CEP135: variants seen among roughly 807,000 people sequenced by gnomAD.
The protein encoded by CEP135 is centrosomal protein 135.
CEP135 carries 142 observed loss-of-function variants against 157.3 expected under a neutral mutation model. The ratio of observed to expected loss-of-function variants is 0.90; its 90% CI spans 0.79 to 1.04. The LOEUF is 1.04. Among genes scored for constraint, CEP135 ranks in the 50% least tolerant of loss-of-function variants. The pLI, the probability that CEP135 is intolerant of heterozygous loss-of-function variation, is 0.00. For missense variants in CEP135, 1,317 were observed against 1,309.2 expected, an observed-to-expected ratio of 1.01 and a Z score of -0.09; for synonymous variants, 396 against 439.8, an observed-to-expected ratio of 0.90 and a Z score of 1.25.
intron 3 of CEP135, 53 bp from the exon 4 acceptor site, chr4:55,954,163 T>G: frequency 6.8e-7 from 1 of 1,472,110 alleles, no homozygotes; most frequent in Non-Finnish European, 9.1e-7. Flanking sequence ...ATGGAAAAAC[T>G]TCATTGGATT....
At chr4:55,995,728 G>T (rs538847421) in intron 15 of CEP135, among the ~76,000 whole-genome samples, 80 of 152,252 alleles carry the variant, frequency 5.3e-4, no homozygotes, top group Non-Finnish European at 1.0e-3. Flanking sequence ...ACGGAAATTG[G>T]CATCCAGCTG....
At chr4:55,975,806 C>T (rs111942201) in intron 11 of CEP135, among the ~76,000 whole-genome samples, 3 of 152,006 alleles carry the variant, frequency 2.0e-5, no homozygotes, top group Non-Finnish European at 4.4e-5. Flanking sequence ...CAGACTTGGC[C>T]GAATTTACTA....
At chr4:55,999,826 GGCATGA>G in intron 17 of CEP135, among the ~76,000 whole-genome samples, 181 bp downstream of exon 17, 1 of 152,158 alleles carries the variant, frequency 6.6e-6, no homozygotes, top group African/African-American at 2.4e-5. Flanking sequence ...TGGAATTACA[GGCATGA>G]GCCACTACTC....
At chr4:56,026,642 A>G (rs972346135) in intron 25 of CEP135, among the ~76,000 whole-genome samples, 1 of 152,222 alleles carries the variant, frequency 6.6e-6, no homozygotes, top group Non-Finnish European at 1.5e-5. Context: ...TGCTATGGTT[A>G]TACTTAGAAG....
At chr4:56,008,226 A>T in intron 17 of CEP135, 101 bp from the exon 18 acceptor site, 1 of 792,550 alleles carries the variant, frequency 1.3e-6, no homozygotes, top group Non-Finnish European at 2.1e-6. Context: ...TACTTTATAT[A>T]ATTGAGCTGT....
rs994921287 is a variant in CEP135 at position 55,974,225 on chromosome 4, A to G, written c.1250-521A>G. Among the ~76,000 whole-genome samples, 4 of 152,222 alleles carry G rather than the reference A, an allele frequency of 2.6e-5. No individual in the cohort carries two copies. The East Asian group carries it at 7.7e-4, about 29-fold the overall frequency. On this transcript the variant is annotated intron_variant, in intron 10 of 25. Transcript: ENST00000257287. ...CATGCCTCAGAGTTGTAATGAACAT[A>G]AATTAAATTAGGTTCAACTATATGA...
chr4:55,969,098 T>A lies in CEP135; in HGVS notation c.1080T>A (p.Asp360Glu). 1.2e-6 allele frequency: 2 copies of A among 1,613,414 alleles called. No homozygotes were observed. Among genetic ancestry groups the A allele is most frequent in the Non-Finnish European group, 1.7e-6 (2 of 1,179,710 alleles). Residue 360 changes from aspartate to glutamate, a missense_variant, in exon 9 of 26, where the codon GAT becomes GAA. Coordinates refer to ENST00000257287, the MANE Select transcript of CEP135 (RefSeq NM_025009.5). ...EIKRKLSEMQ[D>E]LEETMAKLQL... ...AAAGAAAGCTCTCTGAAATGCAGGA[T>A]CTTGAAGAAACAATGGCAAAACTTC...
At position 56,033,185 on chromosome 4, in the gene CEP135, A is replaced by G. The variant is rs948399756; in HGVS notation, c.*1837A>G. On this transcript the variant is annotated 3_prime_UTR_variant, in exon 26 of 26. Transcript: ENST00000257287. Reference sequence around the variant, plus strand: ...AGATATTTTATTTTTAATGTTTTCTATAATTTAAAAATGTATAGCCTGCCA... The same window carrying G: ...AGATATTTTATTTTTAATGTTTTCTGTAATTTAAAAATGTATAGCCTGCCA... 6.6e-6 allele frequency: 1 copy of G among 152,116 alleles called. No individual in the cohort carries two copies. The highest frequency in any genetic ancestry group is 1.5e-5 in the Non-Finnish European group (1 of 68,002). 9.4% of individuals were successfully genotyped at this position (152,116 alleles called of 1,614,324 possible). A position where few individuals can be genotyped will look rare whatever the true frequency, so the allele number is the denominator to read the frequency against.
At chr4:56,019,743 C>G (rs1305779889) in intron 23 of CEP135, among the ~76,000 whole-genome samples, 188 bp downstream of exon 23, 2 of 151,584 alleles carry the variant, frequency 1.3e-5, no homozygotes, top group Non-Finnish European at 2.9e-5. Flanking sequence ...TGAGACTAGC[C>G]TGGGCAAGAT....
chr4:56,021,423 T>C (rs1730969242), intron 24 of CEP135, among the ~76,000 whole-genome samples: 1 of 152,212 alleles, frequency 6.6e-6, no homozygotes, highest in Non-Finnish European at 1.5e-5. Flanking sequence ...AATTTTCATA[T>C]TCACTCATAT....
intron 8 of CEP135, among the ~76,000 whole-genome samples, chr4:55,968,547 TCCACCACCTTTTG>T: frequency 6.6e-6 from 1 of 152,238 alleles, no homozygotes; most frequent in Non-Finnish European, 1.5e-5. Flanking sequence ...CCTCTCTTTT[TCCACCACCTTTTG>T]CATCTTCTAT....
chr4:56,003,452 C>T (rs2109719695), intron 17 of CEP135, among the ~76,000 whole-genome samples: 1 of 152,320 alleles, frequency 6.6e-6, no homozygotes, highest in South Asian at 2.1e-4. Context: ...TACTGATCCG[C>T]CCGCCTCGGC....
At chr4:55,991,236 A>G (rs1486648275) in intron 14 of CEP135, among the ~76,000 whole-genome samples, 3 of 151,888 alleles carry the variant, frequency 2.0e-5, no homozygotes, top group Non-Finnish European at 4.4e-5. Flanking sequence ...GTGGCCTCCC[A>G]TATAATAACT....
At chr4:56,026,677 G>A (rs1259110393) in intron 25 of CEP135, among the ~76,000 whole-genome samples, 1 of 152,214 alleles carries the variant, frequency 6.6e-6, no homozygotes, top group Non-Finnish European at 1.5e-5. Flanking sequence ...CACTGGATAT[G>A]TGTATGTTCA....
chr4:56,019,686 A>T, intron 23 of CEP135, 131 bp downstream of exon 23: 1 of 683,348 alleles, frequency 1.5e-6, no homozygotes, highest in Non-Finnish European at 2.3e-6. Flanking sequence ...CTGTAATCCC[A>T]GCACTTTGGG....
intron 6 of CEP135, among the ~76,000 whole-genome samples, chr4:55,961,894 G>T (rs762127518): frequency 2.0e-4 from 30 of 151,442 alleles, no homozygotes; most frequent in Admixed American, 3.9e-4. Context: ...GGTGGGCAGG[G>T]TATTGTTCTT....
chr4:55,963,055 A>C (rs558329979), intron 6 of CEP135, among the ~76,000 whole-genome samples: 1 of 152,146 alleles, frequency 6.6e-6, no homozygotes, highest in East Asian at 1.9e-4. Flanking sequence ...GGTAGCATCA[A>C]TGTTTGCCCA....
chr4:56,009,829 A>C lies in CEP135; in HGVS notation c.2431A>C (p.Arg811=), dbSNP rs752652046. 3.7e-6 allele frequency: 6 copies of C among 1,614,020 alleles called. No individual in the cohort carries two copies. The highest frequency in any genetic ancestry group is 4.2e-6 in the Non-Finnish European group (5 of 1,180,022). The part of the protein sequence containing the change: ...AAHKELDEVG[R]SREIAFKENR... ...TCACAAAGAACTCGATGAAGTAGGA[A>C]GATCTAGAGAAATCGCTTTTAAGGA... The change falls in exon 19 of 26, where the codon AGA becomes CGA. Residue 811 remains arginine, a synonymous_variant. Coordinates refer to ENST00000257287, the MANE Select transcript of CEP135 (RefSeq NM_025009.5).
chr4:55,957,162 A>G (rs752864504), intron 4 of CEP135, 61 bp from the exon 5 acceptor site: 27 of 1,566,210 alleles, frequency 1.7e-5, no homozygotes, highest in Non-Finnish European at 2.3e-5. Flanking sequence ...AACCTGGAAT[A>G]TTTAATTCTA....
Sources: gnomAD v4.1 joint callset for allele counts (sites outside exome capture counted in the v4.1 genomes callset) on GRCh38, gnomAD v4.1.1 for gene constraint, MANE v1.5 for transcripts, NCBI Gene and HGNC (gene_info 2026-07-23, HGNC 2026-07-21) for gene names.